Variants in ZNF415 observed in about 807,000 individuals in gnomAD.
The protein encoded by ZNF415 is zinc finger protein 415.
Under a neutral mutation model 7.3 loss-of-function variants are expected in ZNF415, and 5 were observed. The ratio of observed to expected loss-of-function variants is 0.69; its 90% CI spans 0.36 to 1.44. The LOEUF is 1.44. Ranked by LOEUF, ZNF415 falls within the 40% of genes most tolerant of loss-of-function variation. The probability of loss-of-function intolerance (pLI) is 0.04; values close to 1 mark genes in which losing one functional copy is unlikely to be tolerated. For synonymous variants in ZNF415, 207 were observed against 226.3 expected, an observed-to-expected ratio of 0.91 and a Z score of 0.77; for missense variants, 628 against 664.8, an observed-to-expected ratio of 0.94 and a Z score of 0.61.
intron 1 of ZNF415, among the ~76,000 whole-genome samples, chr19:53,130,113 T>C (rs961817488): frequency 4.6e-5 from 7 of 151,934 alleles, no homozygotes; most frequent in African/African-American, 1.4e-4. Context: ...CCAGACCCTC[T>C]TTCACATATC....
intron 1 of ZNF415, among the ~76,000 whole-genome samples, chr19:53,130,151 T>C (rs1480072855): frequency 6.6e-6 from 1 of 152,046 alleles, no homozygotes; most frequent in East Asian, 1.9e-4. Flanking sequence ...TTCAAGGTTT[T>C]ATCACATTGG....
chr19:53,112,391 G>T (rs896898170), intron 3 of ZNF415, among the ~76,000 whole-genome samples: 5 of 152,186 alleles, frequency 3.3e-5, no homozygotes, highest in Non-Finnish European at 5.9e-5. Context: ...GCTGGGCTGT[G>T]TTGATAATAG....
At chr19:53,120,629 T>C (rs2087845254) in intron 2 of ZNF415, among the ~76,000 whole-genome samples, 2 of 152,108 alleles carry the variant, frequency 1.3e-5, no homozygotes, top group South Asian at 4.1e-4. Context: ...TAATACTTAA[T>C]AACAATACAT....
chr19:53,131,251 C>G (rs1234645279), intron 1 of ZNF415, among the ~76,000 whole-genome samples: 1 of 151,868 alleles, frequency 6.6e-6, no homozygotes, highest in Non-Finnish European at 1.5e-5. Context: ...TACTCTCCCA[C>G]TCCCCCTTCC....
At chr19:53,130,946 A>C (rs993835787) in intron 1 of ZNF415, among the ~76,000 whole-genome samples, 2 of 152,022 alleles carry the variant, frequency 1.3e-5, no homozygotes, top group African/African-American at 4.8e-5. Context: ...GCCCAGCCTC[A>C]ACACTTTTAA....
At chr19:53,127,718 A>T (rs1371870425) in intron 1 of ZNF415, among the ~76,000 whole-genome samples, 2 of 152,004 alleles carry the variant, frequency 1.3e-5, no homozygotes, top group African/African-American at 4.8e-5. Context: ...CTTTACTAAA[A>T]ATACAAAAAT....
In ZNF415 at chr19:53,113,520, A is replaced by C. The variant is rs1381473633; in HGVS notation, c.136+2793T>G. Among the ~76,000 whole-genome samples, 115 of 150,410 alleles carry C rather than the reference A, an allele frequency of 7.6e-4. 33 individuals carry two copies. The highest frequency in any genetic ancestry group is 2.4e-3 in the African/African-American group (100 of 40,914). On this transcript the variant is annotated intron_variant, in intron 3 of 3. Coordinates refer to ENST00000243643, the MANE Select transcript of ZNF415 (RefSeq NM_018355.4). ...AAACTCCGTCTCAAAAAAAAAAAAA[A>C]AAAAAAAAAAAAAACCGAGGCATTA...
chr19:53,115,844 T>G (rs2086938048), intron 3 of ZNF415: 1 of 1,492,122 alleles, frequency 6.7e-7, no homozygotes. Context: ...GCTTATAAAA[T>G]GAATGGAACA....
At position 53,109,670 on chromosome 19, in the gene ZNF415, G is replaced by A. The variant is rs758017201; in HGVS notation, c.375C>T (p.Arg125=). ...ACTTGTTTCCTATACCTCTTCTATC[G>A]CGTTGGTCTCTCCTACAAGTAAGAT... ...KENLTCRRDQ[R]DRRGIGNKSI... The change falls in exon 4 of 4, where the codon CGC becomes CGT. Residue 125 remains arginine, a synonymous_variant. Transcript: ENST00000243643. 1.9e-5 allele frequency: 31 copies of A among 1,613,892 alleles called. No individual in the cohort carries two copies. The highest frequency in any genetic ancestry group is 3.3e-5 in the Admixed American group (2 of 59,974).
rs913464722 is a variant in ZNF415, at chr19:53,108,299, A to G, written c.*78T>C. ...GACTGAAAACCTTGCCACATTTATT[A>G]TACTTGTATGGTTTCTCTCTGATAT... On this transcript the variant is annotated 3_prime_UTR_variant, in exon 4 of 4. Coordinates refer to ENST00000243643, the MANE Select transcript of ZNF415 (RefSeq NM_018355.4). 29 of 1,381,736 alleles carry G rather than the reference A, an allele frequency of 2.1e-5. No individual in the cohort carries two copies. Among genetic ancestry groups the G allele is most frequent in the Non-Finnish European group, 2.6e-5 (27 of 1,023,548 alleles). 85.6% of individuals were successfully genotyped at this position (1,381,736 alleles called of 1,614,324 possible). A position where few individuals can be genotyped will look rare whatever the true frequency, so the allele number is the denominator to read the frequency against.
At chr19:53,123,540 C>T in intron 1 of ZNF415, 1 of 398,652 alleles carries the variant, frequency 2.5e-6, no homozygotes, top group Non-Finnish European at 4.4e-6. Context: ...AGAGGCACAG[C>T]CCACGTGAAG....
chr19:53,109,065 G>T lies in ZNF415; in HGVS notation c.980C>A (p.Pro327His). Residue 327 changes from proline (P) to histidine (H), a missense_variant, in exon 4 of 4, where the codon CCT becomes CAT. Physicochemically the swap from Pro to His is moderately conservative, Grantham distance 77. Coordinates refer to ENST00000243643, the MANE Select transcript of ZNF415 (RefSeq NM_018355.4). Reference sequence around the variant, plus strand: ...TTTGCCACACTCTTTACATGTGTAAGGTTTCTCTCCAATATGAGTTTTCTG... The same window carrying T: ...TTTGCCACACTCTTTACATGTGTAATGTTTCTCTCCAATATGAGTTTTCTG... The part of the protein sequence containing the change: ...LHQKTHIGEK[P>H]YTCKECGKAF... The T allele has an allele frequency of 6.2e-7, 1 of 1,612,380 alleles. No homozygotes were observed. Among genetic ancestry groups the T allele is most frequent in the East Asian group, 2.2e-5 (1 of 44,866 alleles).
chr19:53,109,564 C>A lies in ZNF415; in HGVS notation c.481G>T (p.Glu161Ter). 6.2e-7 allele frequency: 1 copy of A among 1,614,096 alleles called. No individual in the cohort carries two copies. The highest frequency in any genetic ancestry group is 8.5e-7 in the Non-Finnish European group (1 of 1,179,998). ...QQFQAEGKIY[E>*]CNHVEKSVNH... ...ACAGACTTCTCAACATGGTTACATTCATAAATTTTCCCTTCAGCTTGAAAC... is the reference window on the plus strand; with the variant it reads ...ACAGACTTCTCAACATGGTTACATTAATAAATTTTCCCTTCAGCTTGAAAC... Residue 161 changes from glutamate (E) to a stop codon, truncating the protein, a stop_gained, in exon 4 of 4, where the codon GAA (glutamate) becomes TAA (stop). Transcript: ENST00000243643. LOFTEE classifies it low-confidence loss of function (END_TRUNC).
intron 1 of ZNF415, among the ~76,000 whole-genome samples, chr19:53,124,537 C>T (rs1045496716): frequency 1.1e-4 from 17 of 152,184 alleles, no homozygotes; most frequent in African/African-American, 3.4e-4. Flanking sequence ...CTACCTCCAA[C>T]TTTGGAAATC....
At chr19:53,126,887 G>A (rs1465173052) in intron 1 of ZNF415, among the ~76,000 whole-genome samples, 2 of 103,460 alleles carry the variant, frequency 1.9e-5, no homozygotes. Context: ...GGGCCCCGTG[G>A]CCCCTCTGCA....
intron 3 of ZNF415, among the ~76,000 whole-genome samples, chr19:53,115,510 GC>G (rs2086885067): frequency 1.3e-5 from 2 of 152,102 alleles, no homozygotes; most frequent in Non-Finnish European, 2.9e-5. Flanking sequence ...TTGAGCTGCA[GC>G]CCCCACTGGA....
chr19:53,116,438 C>T lies in ZNF415; in HGVS notation c.16-5G>A, dbSNP rs1364395729. On this transcript the variant is annotated splice_polypyrimidine_tract_variant and splice_region_variant and intron_variant, in intron 2 of 3. Transcript: ENST00000243643. ...GGCCACGTCCCTGAATGTCAACTGTCCGTAAAATAATAAACACATTTCACC... is the reference window on the plus strand; with the variant it reads ...GGCCACGTCCCTGAATGTCAACTGTTCGTAAAATAATAAACACATTTCACC... 1 of 1,614,010 alleles carries T rather than the reference C, an allele frequency of 6.2e-7. No individual in the cohort carries two copies. Among genetic ancestry groups the T allele is most frequent in the Non-Finnish European group, 8.5e-7 (1 of 1,179,998 alleles).
intron 2 of ZNF415, among the ~76,000 whole-genome samples, chr19:53,121,309 T>C (rs924459077): frequency 7.0e-6 from 1 of 142,606 alleles, no homozygotes; most frequent in Non-Finnish European, 1.5e-5. Flanking sequence ...CACTTGAACC[T>C]GGGAGGTGGA....
At chr19:53,129,386 G>A (rs2089741460) in intron 1 of ZNF415, among the ~76,000 whole-genome samples, 1 of 152,182 alleles carries the variant, frequency 6.6e-6, no homozygotes, top group Non-Finnish European at 1.5e-5. Context: ...TCTCTGTGAT[G>A]TCCTCATACA....
Sources: gnomAD v4.1 joint callset for allele counts (sites outside exome capture counted in the v4.1 genomes callset) on GRCh38, gnomAD v4.1.1 for gene constraint, MANE v1.5 for transcripts, NCBI Gene and HGNC (gene_info 2026-07-23, HGNC 2026-07-21) for gene names.